Variants in RASEF observed in about 807,000 individuals in gnomAD.
RASEF encodes the protein RAS and EF-hand domain containing.
A neutral mutation model predicts 90.1 loss-of-function variants in RASEF; 68 were observed. That is an observed-to-expected ratio of 0.75 (90% CI 0.62 to 0.92). The LOEUF is 0.92. Ranked by LOEUF, RASEF falls within the 40% of genes least tolerant of loss-of-function variation. RASEF has a pLI of 0.00. For synonymous variants in RASEF, 331 were observed against 345.2 expected, an observed-to-expected ratio of 0.96 and a Z score of 0.46; for missense variants, 949 against 937.2, an observed-to-expected ratio of 1.01 and a Z score of -0.16.
At chr9:83,014,589 T>C (rs1829309481) in intron 4 of RASEF, among the ~76,000 whole-genome samples, 1 of 152,108 alleles carries the variant, frequency 6.6e-6, no homozygotes, top group Admixed American at 6.5e-5. Context: ...AAGTATTAGG[T>C]TTACAGACAT....
chr9:83,174,464 G>T, the RASEF span, among the ~76,000 whole-genome samples: 1 of 151,866 alleles, frequency 6.6e-6, no homozygotes, highest in East Asian at 1.9e-4. Context: ...AAATATAATG[G>T]CTTATTTCTG....
At chr9:83,197,290 T>A in the RASEF span, among the ~76,000 whole-genome samples, 2 of 152,200 alleles carry the variant, frequency 1.3e-5, no homozygotes, top group African/African-American at 4.8e-5. Flanking sequence ...ACTCCCTCCT[T>A]CCTCAAGTGT....
In RASEF at chr9:83,003,260, C is replaced by T. The variant is rs557569077; in HGVS notation, c.1202+1238G>A. Among the ~76,000 whole-genome samples the T allele has an allele frequency of 1.1e-3, 175 of 152,214 alleles. 1 individual carries two copies. The highest frequency in any genetic ancestry group is 2.2e-3 in the Non-Finnish European group (152 of 68,004). On this transcript the variant is annotated intron_variant, in intron 9 of 16. Transcript: ENST00000376447. ...CAGAAGGGGCATGGTGTTGAGGCTA[C>T]GGTGGCCTCTCATTACAGCTCAAGG...
intron 2 of RASEF, among the ~76,000 whole-genome samples, chr9:83,023,245 A>C (rs1829475770): frequency 6.6e-6 from 1 of 152,216 alleles, no homozygotes; most frequent in African/African-American, 2.4e-5. Flanking sequence ...AAGTTCTAGA[A>C]TGTAGATAAG....
At chr9:83,148,654 T>C in the RASEF span, among the ~76,000 whole-genome samples, 12 of 152,214 alleles carry the variant, frequency 7.9e-5, no homozygotes, top group African/African-American at 2.9e-4. Flanking sequence ...GTGGTCTTTG[T>C]TACAACAGCC....
At chr9:83,005,643 C>T (rs1434055877) in intron 7 of RASEF, 143 bp from the exon 8 acceptor site, 1 of 664,180 alleles carries the variant, frequency 1.5e-6, no homozygotes, top group Admixed American at 2.6e-5. Flanking sequence ...TCCCTTCAAA[C>T]CTCAAAAACT....
chr9:83,144,424 AAG>A, the RASEF span, among the ~76,000 whole-genome samples: 12 of 145,042 alleles, frequency 8.3e-5, no homozygotes, highest in African/African-American at 2.8e-4. Flanking sequence ...AAGAAAAGAA[AAG>A]AAAGAAAGGA....
At chr9:83,073,084 G>A in the RASEF span, among the ~76,000 whole-genome samples, 2 of 152,168 alleles carry the variant, frequency 1.3e-5, no homozygotes, top group African/African-American at 4.8e-5. Context: ...CATCACGCAT[G>A]TAGCAGATGC....
the RASEF span, among the ~76,000 whole-genome samples, chr9:83,189,445 GC>G: frequency 6.6e-6 from 1 of 152,014 alleles, no homozygotes; most frequent in Non-Finnish European, 1.5e-5. Flanking sequence ...CAGCTTTCTT[GC>G]CCCTCCCAGA....
chr9:83,186,011 C>T, the RASEF span, among the ~76,000 whole-genome samples: 4 of 152,168 alleles, frequency 2.6e-5, no homozygotes, highest in South Asian at 8.3e-4. Context: ...TTTATCCCTG[C>T]GTCGTTTTCC....
At chr9:83,154,659 T>A in the RASEF span, among the ~76,000 whole-genome samples, 1 of 152,192 alleles carries the variant, frequency 6.6e-6, no homozygotes, top group Non-Finnish European at 1.5e-5. Context: ...TCTACCTAGG[T>A]TGGCCATCTC....
intron 1 of RASEF, among the ~76,000 whole-genome samples, chr9:83,041,554 G>A (rs767432809): frequency 3.9e-5 from 6 of 152,096 alleles, no homozygotes; most frequent in African/African-American, 9.7e-5. Context: ...TCTCTAATTT[G>A]ACATTTCAAC....
chr9:83,113,814 C>A, the RASEF span, among the ~76,000 whole-genome samples: 2 of 152,190 alleles, frequency 1.3e-5, no homozygotes, highest in African/African-American at 4.8e-5. Context: ...CAAGACAATA[C>A]GTGCACAGTG....
the RASEF span, among the ~76,000 whole-genome samples, chr9:83,122,978 G>A: frequency 9.9e-5 from 15 of 152,220 alleles, no homozygotes; most frequent in East Asian, 2.5e-3. Flanking sequence ...AGTGGCTCAC[G>A]CCTGTAATCC....
At chr9:83,093,556 T>G in the RASEF span, among the ~76,000 whole-genome samples, 4 of 152,188 alleles carry the variant, frequency 2.6e-5, no homozygotes, top group Non-Finnish European at 5.9e-5. Context: ...AGCCCCTCAT[T>G]GCCCAGGGCC....
chr9:83,184,590 A>C, the RASEF span, among the ~76,000 whole-genome samples: 2 of 151,972 alleles, frequency 1.3e-5, no homozygotes, highest in African/African-American at 4.8e-5. Context: ...CTGTCACTCA[A>C]ACTCAATCTT....
At chr9:83,210,820 C>T in the RASEF span, among the ~76,000 whole-genome samples, 2 of 152,148 alleles carry the variant, frequency 1.3e-5, no homozygotes, top group Admixed American at 6.5e-5. Flanking sequence ...TGAGGGGTTT[C>T]CCCGACACAT....
the RASEF span, among the ~76,000 whole-genome samples, chr9:83,200,106 C>T: frequency 3.3e-5 from 5 of 152,136 alleles, no homozygotes; most frequent in African/African-American, 4.8e-5. Flanking sequence ...AAAGGCCGGG[C>T]GCGGTGGCTC....
At chr9:83,118,895 C>G in the RASEF span, among the ~76,000 whole-genome samples, 1 of 152,110 alleles carries the variant, frequency 6.6e-6, no homozygotes, top group Admixed American at 6.5e-5. Context: ...CATTGGGTCC[C>G]ATTGGATGCA....
Sources: allele counts gnomAD v4.1 joint callset (sites outside exome capture counted in the v4.1 genomes callset), GRCh38; gene constraint gnomAD v4.1.1; transcripts MANE v1.5; gene names NCBI Gene and HGNC (gene_info 2026-07-23, HGNC 2026-07-21).